The following ADCY3 variants were observed in gnomAD, a reference collection of about 807,000 sequenced individuals.
The protein encoded by ADCY3 is adenylate cyclase type 3.
A neutral mutation model predicts 119.4 loss-of-function variants in ADCY3; 70 were observed. That is an observed-to-expected ratio of 0.59 (90% CI 0.48 to 0.72). The LOEUF is 0.72. Ranked by LOEUF, ADCY3 falls within the 30% of genes least tolerant of loss-of-function variation. ADCY3 has a pLI of 0.00. For synonymous variants in ADCY3, 672 were observed against 621.4 expected, an observed-to-expected ratio of 1.08 and a Z score of -1.21; for missense variants, 1,238 against 1,541.6, an observed-to-expected ratio of 0.80 and a Z score of 3.30.
Position 24,838,757 on chromosome 2 carries a change from G to A in ADCY3, c.1356-135C>T, listed in dbSNP as rs951013820. ...CTCGGGCATGTGGGGCAGAGGCCAA[G>A]TGGAGGCAGTTCTGCCACTAACTAG... On this transcript the variant is annotated intron_variant, in intron 7 of 21. Transcript: ENST00000679454. 1.1e-5 allele frequency: 17 copies of A among 1,585,316 alleles called. No homozygotes were observed. The Admixed American group carries it at 1.2e-4, about 11-fold the overall frequency.
chr2:24,887,423 C>T (rs567864621), intron 2 of ADCY3, among the ~76,000 whole-genome samples: 11 of 152,304 alleles, frequency 7.2e-5, no homozygotes, highest in Non-Finnish European at 8.8e-5. Flanking sequence ...CGGCTCCTTT[C>T]CCTCGGAGAC....
intron 3 of ADCY3, among the ~76,000 whole-genome samples, chr2:24,844,226 C>T (rs1412935601): frequency 1.3e-5 from 2 of 152,054 alleles, no homozygotes; most frequent in Admixed American, 6.5e-5. Context: ...GCCATGGGGT[C>T]GGCTGCTGAA....
At position 24,918,860 on chromosome 2, in the gene ADCY3, G is replaced by C; in HGVS notation, c.128C>G (p.Ser43Trp). ...GRTHEISVRN[S>W]GSCLCLPRFM... The stretch of plus-strand genomic sequence containing the variant: ...GCGAGGCAGGCACAGGCAGGAGCCC[G>C]AGTTCCGGACCGAGATTTCATGGGT... The change falls in exon 2 of 22, where the codon TCG becomes TGG. Residue 43 changes from serine to tryptophan, a missense_variant. Coordinates refer to ENST00000679454, the MANE Select transcript of ADCY3 (RefSeq NM_004036.5). The surrounding 1 kb of genome is among the most constrained non-coding windows in gnomAD (Gnocchi z 5.4). The C allele has an allele frequency of 1.2e-6, 2 of 1,613,256 alleles. No individual in the cohort carries two copies. Among genetic ancestry groups the C allele is most frequent in the Non-Finnish European group, 1.7e-6 (2 of 1,180,016 alleles).
intron 3 of ADCY3, among the ~76,000 whole-genome samples, chr2:24,850,114 A>G (rs1044910192): frequency 1.3e-5 from 2 of 151,084 alleles, no homozygotes; most frequent in African/African-American, 4.9e-5. Context: ...TTCGACACCC[A>G]CCTCACATGT....
At chr2:24,907,210 G>A (rs1344666682) in intron 2 of ADCY3, among the ~76,000 whole-genome samples, 2 of 150,234 alleles carry the variant, frequency 1.3e-5, no homozygotes, top group Non-Finnish European at 3.0e-5. Flanking sequence ...GCCCCCAAGG[G>A]CAGTCCAGGA....
chr2:24,918,249 C>T lies in ADCY3; in HGVS notation c.675+64G>A, dbSNP rs563920567. 6.7e-7 allele frequency: 1 copy of T among 1,501,280 alleles called. No individual in the cohort carries two copies. Among genetic ancestry groups the T allele is most frequent in the South Asian group, 1.4e-5 (1 of 73,514 alleles). 93.0% of individuals were successfully genotyped at this position (1,501,280 alleles called of 1,614,324 possible). On this transcript the variant is annotated intron_variant, in intron 2 of 21. Transcript: ENST00000679454. This position sits in a 1 kb window ranked among gnomAD's most constrained non-coding sequence, Gnocchi z 5.4. ...AAGGCAAAGCAAACAGCAACTCCAA[C>T]AGGTCCCAAGTTGGTGAGAGCTGCA... is the stretch of plus-strand genomic sequence containing the variant.
At position 24,822,481 on chromosome 2, in the gene ADCY3, C is replaced by G. The variant is rs776942776; in HGVS notation, c.3003+30G>C. ...CAATCTCTTGCCTTGGGGGCAGAGCCTCATCTCTCTGGCTACTGGGGTTAG... is the reference window on the plus strand; with the variant it reads ...CAATCTCTTGCCTTGGGGGCAGAGCGTCATCTCTCTGGCTACTGGGGTTAG... On this transcript the variant is annotated intron_variant, in intron 19 of 21. Coordinates refer to ENST00000679454, the MANE Select transcript of ADCY3 (RefSeq NM_004036.5). 6 of 1,609,106 alleles carry G rather than the reference C, an allele frequency of 3.7e-6. No individual in the cohort carries two copies. In the South Asian group the frequency reaches 6.6e-5, roughly 18 times the overall value.
At chr2:24,865,141 G>C (rs541307860) in intron 3 of ADCY3, among the ~76,000 whole-genome samples, 1 of 152,178 alleles carries the variant, frequency 6.6e-6, no homozygotes. Flanking sequence ...ATGCAATACA[G>C]ACTTAGAATG....
At chr2:24,829,022 CT>C (rs1553335367) in intron 13 of ADCY3, among the ~76,000 whole-genome samples, 20 of 144,558 alleles carry the variant, frequency 1.4e-4, no homozygotes, top group East Asian at 2.1e-4. Context: ...TCTTTTTTTT[CT>C]TTTTTTTTTT....
intron 13 of ADCY3, among the ~76,000 whole-genome samples, chr2:24,828,711 G>A (rs1668978019): frequency 6.6e-6 from 1 of 152,190 alleles, no homozygotes; most frequent in East Asian, 1.9e-4. Flanking sequence ...CCCCCTTTTT[G>A]TAACTTTCAC....
intron 3 of ADCY3, among the ~76,000 whole-genome samples, chr2:24,852,851 G>T (rs1181840440): frequency 6.6e-6 from 1 of 152,252 alleles, no homozygotes; most frequent in African/African-American, 2.4e-5. Context: ...ACTTCAGGCT[G>T]CCCTACCCAG....
chr2:24,902,863 C>G (rs928423325), intron 2 of ADCY3, among the ~76,000 whole-genome samples: 9 of 152,116 alleles, frequency 5.9e-5, no homozygotes, highest in African/African-American at 1.9e-4. Context: ...AACCCCGTCT[C>G]TACTAAAAAC....
At chr2:24,849,868 G>A (rs1486621441) in intron 3 of ADCY3, among the ~76,000 whole-genome samples, 8 of 152,112 alleles carry the variant, frequency 5.3e-5, no homozygotes, top group Admixed American at 5.2e-4. Context: ...GGTGCCGGCC[G>A]GCTCCTCTCA....
At chr2:24,820,136 G>A in intron 21 of ADCY3, 22 bp from the exon 22 acceptor site, 1 of 1,350,700 alleles carries the variant, frequency 7.4e-7, no homozygotes, top group Non-Finnish European at 9.8e-7. Flanking sequence ...GGGGGAGCAA[G>A]AACGTGGCGT....
Position 24,820,103 on chromosome 2 carries a change from T to A in ADCY3, c.3264A>T (p.Glu1088Asp). 1 of 1,548,438 alleles carries A rather than the reference T, an allele frequency of 6.5e-7. No homozygotes were observed. Among genetic ancestry groups the A allele is most frequent in the Non-Finnish European group, 8.7e-7 (1 of 1,146,610 alleles). ...CGTACTCTCGGAGGATGACTTGGGT[T>A]TCTTCTACCACCTGGAGAGGGAGGG... ...GVMGNIQVVE[E>D]TQVILREYGF... Residue 1088 changes from glutamate (E) to aspartate (D), a missense_variant, in exon 22 of 22, where the codon GAA becomes GAT. Around this residue, in one of 7 missense-constraint regions of ADCY3, gnomAD observed 86 missense variants for 70.7 expected, o/e 1.22. Transcript: ENST00000679454.
chr2:24,827,883 C>G lies in ADCY3; in HGVS notation c.2432+19G>C. Reference sequence around the variant, plus strand: ...GGAGGAAGGAGACAATACAGATCCCCAGTCACGCTTCATCTTACTCGTGCT... The same window carrying G: ...GGAGGAAGGAGACAATACAGATCCCGAGTCACGCTTCATCTTACTCGTGCT... On this transcript the variant is annotated intron_variant, in intron 14 of 21. Transcript: ENST00000679454. 6.2e-7 allele frequency: 1 copy of G among 1,613,354 alleles called. No homozygotes were observed. Among genetic ancestry groups the G allele is most frequent in the Non-Finnish European group, 8.5e-7 (1 of 1,179,568 alleles).
rs369390291 is a variant in ADCY3 at position 24,839,860 on chromosome 2, G to A, written c.1355+13C>T. ...CCCAGTCCTCAAACCTGCCCCCTTG[G>A]AATGGCACTCACCCAGGGATGCCGC... On this transcript the variant is annotated intron_variant, in intron 7 of 21. Transcript: ENST00000679454. 23 of 1,613,584 alleles carry A rather than the reference G, an allele frequency of 1.4e-5. No individual in the cohort carries two copies. The highest frequency in any genetic ancestry group is 2.2e-5 in the East Asian group (1 of 44,878).
At chr2:24,917,556 T>C (rs899308067) in intron 2 of ADCY3, among the ~76,000 whole-genome samples, 1 of 152,132 alleles carries the variant, frequency 6.6e-6, no homozygotes, top group Non-Finnish European at 1.5e-5. Context: ...AACACAATAC[T>C]ATAATAGTTA....
chr2:24,891,807 C>T (rs990152923), intron 2 of ADCY3, among the ~76,000 whole-genome samples: 5 of 152,236 alleles, frequency 3.3e-5, no homozygotes, highest in African/African-American at 1.2e-4. Flanking sequence ...AAAATGTGTA[C>T]CAACTGTTAT....
Sources: allele counts gnomAD v4.1 joint callset (sites outside exome capture counted in the v4.1 genomes callset), GRCh38; gene constraint gnomAD v4.1.1; regional missense constraint gnomAD v4.1.1; non-coding constraint Gnocchi (gnomAD v3.1); transcripts MANE v1.5; gene names NCBI Gene and HGNC (gene_info 2026-07-23, HGNC 2026-07-21).